HK3: variants seen among roughly 807,000 people sequenced by gnomAD.
HK3 encodes the protein hexokinase-3.
Under a neutral mutation model 91.0 loss-of-function variants are expected in HK3, and 93 were observed. That is an observed-to-expected ratio of 1.02 (90% confidence interval 0.86 to 1.21). The LOEUF (loss-of-function observed/expected upper bound fraction) is 1.21. Ranked by LOEUF, HK3 falls within the 50% of genes most tolerant of loss-of-function variation. The pLI is 0.00. For missense variants in HK3, 1,235 were observed against 1,247.4 expected, an observed-to-expected ratio of 0.99 and a Z score of 0.15; for synonymous variants, 519 against 516.9, an observed-to-expected ratio of 1.00 and a Z score of -0.06.
rs984091279 is a variant in HK3 at position 176,889,278 on chromosome 5, A to G, written c.914+103T>C. The G allele has an allele frequency of 5.2e-5, 67 of 1,296,824 alleles. 1 individual carries two copies. In the Middle Eastern group the frequency reaches 6.3e-4, roughly 12 times the overall value. The allele number at this position is 1,296,824 out of a possible 1,614,324, so 80.3% of individuals were successfully genotyped here. On this transcript the variant is annotated intron_variant, in intron 8 of 18. Coordinates refer to ENST00000292432, the MANE Select transcript of HK3 (RefSeq NM_002115.3). ...GCTCCCTGGAGACCCTCAGAGTGAC[A>G]GGGAGGGGCCTAAGGGCCTGAGAAC...
intron 2 of HK3, among the ~76,000 whole-genome samples, chr5:176,893,744 G>C (rs559550509): frequency 6.6e-6 from 1 of 152,322 alleles, no homozygotes; most frequent in Middle Eastern, 3.4e-3. Context: ...AGATGTTCGG[G>C]AGGAGAGACT....
chr5:176,885,787 C>T (rs1366250062), intron 13 of HK3, among the ~76,000 whole-genome samples: 1 of 151,956 alleles, frequency 6.6e-6, no homozygotes, highest in Non-Finnish European at 1.5e-5. Context: ...CCACCCCGCC[C>T]CCCGATTTGC....
At position 176,889,712 on chromosome 5, in the gene HK3, G is replaced by C. The variant is rs753683460; in HGVS notation, c.663C>G (p.Asn221Lys). 1 of 1,614,104 alleles carries C rather than the reference G, an allele frequency of 6.2e-7. No individual in the cohort carries two copies. Among genetic ancestry groups the C allele is most frequent in the East Asian group, 2.2e-5 (1 of 44,872 alleles). The part of the protein sequence containing the change: ...AYNIDVVAVV[N>K]DTVGTMMGCE... Reference sequence around the variant, plus strand: ...AGCCCATCATGGTGCCCACTGTGTCGTTCACCACAGCAACCACGTCGATGT... The same window carrying C: ...AGCCCATCATGGTGCCCACTGTGTCCTTCACCACAGCAACCACGTCGATGT... The change falls in exon 7 of 19, where the codon AAC becomes AAG. Residue 221 changes from asparagine to lysine, a missense_variant. Physicochemically the swap from Asn to Lys is moderately conservative, Grantham distance 94 (BLOSUM62 0). Transcript: ENST00000292432.
chr5:176,881,932 C>T lies in HK3; in HGVS notation c.2237+12G>A. 1 of 1,613,362 alleles carries T rather than the reference C, an allele frequency of 6.2e-7. No individual in the cohort carries two copies. Among genetic ancestry groups the T allele is most frequent in the Non-Finnish European group, 8.5e-7 (1 of 1,179,668 alleles). Reference sequence around the variant, plus strand: ...TCACAGCCAGCCACCACTGCCTGGGCCCAGCCCACACCTCTGCTTGCCGGG... The same window carrying T: ...TCACAGCCAGCCACCACTGCCTGGGTCCAGCCCACACCTCTGCTTGCCGGG... On this transcript the variant is annotated intron_variant, in intron 16 of 18. Coordinates refer to ENST00000292432, the MANE Select transcript of HK3 (RefSeq NM_002115.3).
At chr5:176,886,757 C>T (rs1427762006) in intron 13 of HK3, among the ~76,000 whole-genome samples, 4 of 152,208 alleles carry the variant, frequency 2.6e-5, no homozygotes, top group Admixed American at 6.5e-5. Flanking sequence ...CTAAAATGGA[C>T]GATCTGTCCT....
intron 2 of HK3, among the ~76,000 whole-genome samples, chr5:176,892,866 C>T (rs753488855): frequency 5.3e-5 from 8 of 152,206 alleles, no homozygotes; most frequent in Non-Finnish European, 8.8e-5. Flanking sequence ...CCTAAGAAGG[C>T]GAATCATCCT....
In HK3 at chr5:176,887,579, C is replaced by A. The variant is rs759109859; in HGVS notation, c.1472G>T (p.Arg491Leu). The change falls in exon 11 of 19, where the codon CGG becomes CTG. Residue 491 changes from arginine (R) to leucine (L), a missense_variant. Around this residue, in one of 3 missense-constraint regions of HK3, gnomAD observed 717 missense variants for 751.6 expected, o/e 0.95. Coordinates refer to ENST00000292432, the MANE Select transcript of HK3 (RefSeq NM_002115.3). The surrounding 1 kb of genome is among the most constrained non-coding windows in gnomAD (Gnocchi z 4.9). The stretch of plus-strand genomic sequence containing the variant: ...CGCAGCCAGTTGATCATGGTTCAAC[C>A]GGAATGGGGCCAGGGTCTCCTCCAG... ...RLLEETLAPFRLNHDQLAAVQ... is the reference protein window; with the variant it reads ...RLLEETLAPFLLNHDQLAAVQ... The A allele has an allele frequency of 2.5e-6, 4 of 1,613,740 alleles. No individual in the cohort carries two copies. Among genetic ancestry groups the A allele is most frequent in the African/African-American group, 2.7e-5 (2 of 74,916 alleles).
chr5:176,883,886 GC>G lies in HK3; in HGVS notation c.1954-18del. The G allele has an allele frequency of 6.2e-7, 1 of 1,612,314 alleles. No individual in the cohort carries two copies. The highest frequency in any genetic ancestry group is 8.5e-7 in the Non-Finnish European group (1 of 1,178,426). On this transcript the variant is annotated intron_variant, in intron 14 of 18. Transcript: ENST00000292432. ...CTCCACTGCCTGCACACAAAAGGAT[GC>G]TGCTAGTTGCTGGGCAACGCGGTCG...
chr5:176,889,002 C>T (rs1758684700), intron 8 of HK3, 138 bp from the exon 9 acceptor site: 1 of 953,648 alleles, frequency 1.0e-6, no homozygotes. Flanking sequence ...CGAATAGCCT[C>T]CCAGAGGACA....
intron 1 of HK3, among the ~76,000 whole-genome samples, chr5:176,898,434 T>C (rs538867816): frequency 1.3e-5 from 2 of 152,322 alleles, no homozygotes; most frequent in South Asian, 4.1e-4. Flanking sequence ...GCAGGTCTAT[T>C]TCAAGGATAA....
chr5:176,889,250 G>A (rs147429066), intron 8 of HK3, 131 bp downstream of exon 8: 7 of 1,031,770 alleles, frequency 6.8e-6, no homozygotes, highest in Admixed American at 4.6e-5. Context: ...GGGCCCCCAG[G>A]TTGCTCCCTG....
chr5:176,887,695 A>T lies in HK3; in HGVS notation c.1356T>A (p.Asp452Glu), dbSNP rs769593205. The change falls in exon 11 of 19, where the codon GAT (aspartate) becomes GAA (glutamate). Residue 452 changes from aspartate (D) to glutamate (E), a missense_variant. Physicochemically the swap from Asp to Glu is conservative, Grantham distance 45 (BLOSUM62 2). This residue lies in a region of HK3 where 717 missense variants were observed against 751.6 expected (regional missense o/e 0.95). Transcript: ENST00000292432. The surrounding 1 kb of genome is among the most constrained non-coding windows in gnomAD (Gnocchi z 4.9). ...CATCCACAGAGGGGATTAAGGAGACATCGCATTCCGGGGCCAGGAGCATCA... is the reference window on the plus strand; with the variant it reads ...CATCCACAGAGGGGATTAAGGAGACTTCGCATTCCGGGGCCAGGAGCATCA... The part of the protein sequence containing the change: ...GTVMLLAPEC[D>E]VSLIPSVDGG... 1 of 1,613,298 alleles carries T rather than the reference A, an allele frequency of 6.2e-7. No individual in the cohort carries two copies. Among genetic ancestry groups the T allele is most frequent in the Non-Finnish European group, 8.5e-7 (1 of 1,179,426 alleles).
At chr5:176,890,108 G>A (rs547827939) in intron 6 of HK3, among the ~76,000 whole-genome samples, 35 of 152,112 alleles carry the variant, frequency 2.3e-4, no homozygotes, top group Non-Finnish European at 4.1e-4. Flanking sequence ...GTTCCTCCCA[G>A]CACTGGCTTC....
At chr5:176,891,891 C>T (rs1758786375) in intron 2 of HK3, among the ~76,000 whole-genome samples, 1 of 152,236 alleles carries the variant, frequency 6.6e-6, no homozygotes, top group Non-Finnish European at 1.5e-5. Context: ...CCAGGACCCA[C>T]AGCAAGAGTC....
At position 176,886,996 on chromosome 5, in the gene HK3, C is replaced by T; in HGVS notation, c.1857+6G>A. The T allele has an allele frequency of 6.2e-7, 1 of 1,613,948 alleles. No individual in the cohort carries two copies. The highest frequency in any genetic ancestry group is 8.5e-7 in the Non-Finnish European group (1 of 1,179,984). On this transcript the variant is annotated splice_donor_region_variant and intron_variant, in intron 13 of 18. Transcript: ENST00000292432. Reference sequence around the variant, plus strand: ...TTGGGAATCACTTCTCTTGGCCCTCCCTCACCTGGTCTAGGCCAAGCTGCC... The same window carrying T: ...TTGGGAATCACTTCTCTTGGCCCTCTCTCACCTGGTCTAGGCCAAGCTGCC...
At chr5:176,890,751 T>C (rs1431670360) in intron 5 of HK3, 21 bp from the exon 6 acceptor site, 1 of 1,614,078 alleles carries the variant, frequency 6.2e-7, no homozygotes, top group Non-Finnish European at 8.5e-7. Flanking sequence ...AGAAGCTGGG[T>C]TACTCCTCTG....
intron 13 of HK3, among the ~76,000 whole-genome samples, chr5:176,885,626 T>C (rs1236597465): frequency 1.3e-5 from 2 of 152,068 alleles, no homozygotes; most frequent in African/African-American, 4.8e-5. Context: ...TTCAGCATCT[T>C]GGCCAGGCTG....
At chr5:176,898,309 G>GT (rs1478714011) in intron 1 of HK3, among the ~76,000 whole-genome samples, 2 of 152,200 alleles carry the variant, frequency 1.3e-5, no homozygotes, top group Non-Finnish European at 2.9e-5. Context: ...GGAGTGGGTA[G>GT]TTTTTTATTT....
intron 2 of HK3, among the ~76,000 whole-genome samples, chr5:176,891,923 C>A (rs566885149): frequency 6.6e-6 from 1 of 152,196 alleles, no homozygotes; most frequent in African/African-American, 2.4e-5. Flanking sequence ...TGTTGTTGAA[C>A]GAACAAGAGA....
Sources: gnomAD v4.1 joint callset for allele counts (sites outside exome capture counted in the v4.1 genomes callset) on GRCh38, gnomAD v4.1.1 for gene constraint, gnomAD v4.1.1 regional missense constraint, Gnocchi (gnomAD v3.1) non-coding constraint, MANE v1.5 for transcripts, NCBI Gene and HGNC (gene_info 2026-07-23, HGNC 2026-07-21) for gene names.